The following ITGA4 variants were observed in gnomAD, a reference collection of about 807,000 sequenced individuals.
ITGA4 encodes integrin subunit alpha 4.
ITGA4 carries 63 observed loss-of-function variants against 133.6 expected under a neutral mutation model. That is an observed-to-expected ratio of 0.47 (90% CI 0.38 to 0.58). The LOEUF (loss-of-function observed/expected upper bound fraction) is 0.58. Among genes scored for constraint, ITGA4 ranks in the 20% least tolerant of loss-of-function variants. ITGA4 has a pLI of 0.00. For missense variants in ITGA4, 1,076 were observed against 1,252.7 expected (o/e 0.86, Z 2.13); for synonymous variants, 483 against 438.0 (o/e 1.10, Z -1.28).
intron 2 of ITGA4, among the ~76,000 whole-genome samples, chr2:181,463,908 T>C (rs903552380): frequency 2.0e-5 from 3 of 152,238 alleles, no homozygotes; most frequent in Admixed American, 2.0e-4. Flanking sequence ...GTGATTAGAA[T>C]AGTGCTGCTC....
At chr2:181,481,516 T>TTA in intron 6 of ITGA4, 82 bp from the exon 7 acceptor site, 1 of 581,566 alleles carries the variant, frequency 1.7e-6, no homozygotes, top group Admixed American at 2.7e-5. Flanking sequence ...TCGGTATCAT[T>TTA]TAATTTTATG....
At chr2:181,478,665 T>G (rs1685735689) in intron 4 of ITGA4, 92 bp from the exon 5 acceptor site, 1 of 553,066 alleles carries the variant, frequency 1.8e-6, no homozygotes, top group Non-Finnish European at 3.2e-6. Flanking sequence ...ACTATAGACC[T>G]TAAAGGACAT....
chr2:181,522,046 A>C, intron 17 of ITGA4, 145 bp from the exon 18 acceptor site: 1 of 450,414 alleles, frequency 2.2e-6, no homozygotes, highest in Non-Finnish European at 3.9e-6. Flanking sequence ...ATCTGCTTGC[A>C]TAGGGTCAAT....
chr2:181,535,598 T>TACAAGAAAAAATGAATTTTGTTTGG lies in ITGA4; in HGVS notation c.*74_*98dup. The TACAAGAAAAAATGAATTTTGTTTGG allele has an allele frequency of 6.6e-7, 1 of 1,504,034 alleles. No homozygotes were observed. Among genetic ancestry groups the TACAAGAAAAAATGAATTTTGTTTGG allele is most frequent in the Non-Finnish European group, 8.9e-7 (1 of 1,127,264 alleles). 93.2% of individuals were successfully genotyped at this position (1,504,034 alleles called of 1,614,324 possible). On this transcript the variant is annotated 3_prime_UTR_variant, in exon 28 of 28. Coordinates refer to ENST00000397033, the MANE Select transcript of ITGA4 (RefSeq NM_000885.6). ...GTAAAGAAATTTAAAAGACACTGTT[T>TACAAGAAAAAATGAATTTTGTTTGG]ACAAGAAAAAATGAATTTTGTTTGG... is the stretch of plus-strand genomic sequence containing the variant.
intron 15 of ITGA4, 92 bp from the exon 16 acceptor site, chr2:181,509,566 A>G (rs188402735): frequency 1.2e-4 from 102 of 859,408 alleles, no homozygotes; most frequent in Non-Finnish European, 1.7e-4. Context: ...TCTTCCATGT[A>G]TAGTGTTTGG....
intron 25 of ITGA4, 51 bp from the exon 26 acceptor site, chr2:181,534,221 A>G (rs752337638): frequency 2.8e-6 from 3 of 1,087,238 alleles, no homozygotes; most frequent in Non-Finnish European, 4.2e-6. Context: ...CTGATAAATT[A>G]TGTCTTTATG....
intron 10 of ITGA4, among the ~76,000 whole-genome samples, chr2:181,488,055 A>T (rs943962196): frequency 1.2e-4 from 19 of 152,244 alleles, no homozygotes; most frequent in African/African-American, 4.3e-4. Flanking sequence ...ACTCTTTTGA[A>T]TGTGAAAAGT....
chr2:181,482,802 T>C (rs1197606165), intron 9 of ITGA4, 151 bp downstream of exon 9: 2 of 656,028 alleles, frequency 3.0e-6, no homozygotes, highest in East Asian at 2.7e-5. Context: ...AAAAATTAAA[T>C]GGAATATGAT....
intron 4 of ITGA4, among the ~76,000 whole-genome samples, chr2:181,478,154 C>A (rs1685721252): frequency 6.6e-6 from 1 of 151,972 alleles, no homozygotes; most frequent in Non-Finnish European, 1.5e-5. Context: ...TCTCACCTAT[C>A]TGTGGAATCT....
chr2:181,463,062 G>C (rs1685325423), intron 2 of ITGA4, among the ~76,000 whole-genome samples: 1 of 152,134 alleles, frequency 6.6e-6, no homozygotes, highest in Non-Finnish European at 1.5e-5. Flanking sequence ...CTGAAGAATT[G>C]GTGTTCAAGT....
chr2:181,496,124 G>A (rs908697194), intron 14 of ITGA4, among the ~76,000 whole-genome samples, 187 bp downstream of exon 14: 4 of 152,104 alleles, frequency 2.6e-5, no homozygotes, highest in Non-Finnish European at 5.9e-5. Flanking sequence ...CAATGAGTTG[G>A]GCACATTAGA....
chr2:181,461,724 T>C (rs1164568262), intron 2 of ITGA4, among the ~76,000 whole-genome samples: 1 of 152,214 alleles, frequency 6.6e-6, no homozygotes, highest in Non-Finnish European at 1.5e-5. Flanking sequence ...CTTTCATTAC[T>C]TTGGAGTTAC....
chr2:181,537,531 T>TTAAC lies in ITGA4; in HGVS notation c.*2006_*2009dup. The TTAAC allele has an allele frequency of 2.2e-6, 1 of 448,618 alleles. No homozygotes were observed. The highest frequency in any genetic ancestry group is 4.5e-6 in the Non-Finnish European group (1 of 223,454). The allele number at this position is 448,618 out of a possible 1,614,324, so 27.8% of individuals were successfully genotyped here. The stretch of plus-strand genomic sequence containing the variant: ...CTATATAACTATGTGATTTTGAAAT[T>TTAAC]TAACTGCTCTGGATTAGGGAGCAGT... On this transcript the variant is annotated 3_prime_UTR_variant, in exon 28 of 28. Transcript: ENST00000397033.
intron 2 of ITGA4, among the ~76,000 whole-genome samples, chr2:181,470,122 C>A (rs1334986887): frequency 6.6e-6 from 1 of 151,666 alleles, no homozygotes; most frequent in East Asian, 1.9e-4. Flanking sequence ...GAACCCTTGC[C>A]CACTGTTGAT....
At chr2:181,472,653 T>G (rs1401144968) in intron 2 of ITGA4, among the ~76,000 whole-genome samples, 2 of 152,206 alleles carry the variant, frequency 1.3e-5, no homozygotes, top group Non-Finnish European at 2.9e-5. Context: ...AAACTGAAAA[T>G]TGTATTATAA....
intron 4 of ITGA4, among the ~76,000 whole-genome samples, chr2:181,476,561 A>G (rs532106891): frequency 6.3e-4 from 96 of 152,310 alleles, no homozygotes; most frequent in African/African-American, 2.3e-3. Context: ...GCCCCCTTAG[A>G]AAGTTCCAAA....
At chr2:181,508,422 G>A (rs775074640) in intron 15 of ITGA4, among the ~76,000 whole-genome samples, 60 of 152,156 alleles carry the variant, frequency 3.9e-4, no homozygotes, top group South Asian at 1.0e-3. Context: ...ACGGCTGGGC[G>A]CGGTGGTTCA....
intron 2 of ITGA4, among the ~76,000 whole-genome samples, chr2:181,464,284 C>T (rs1452075305): frequency 1.3e-5 from 2 of 152,024 alleles, no homozygotes; most frequent in African/African-American, 4.8e-5. Flanking sequence ...CATTAGTAAC[C>T]TCGGTAAGAC....
chr2:181,505,822 G>T (rs892261795), intron 15 of ITGA4, among the ~76,000 whole-genome samples: 2 of 152,126 alleles, frequency 1.3e-5, no homozygotes, highest in Non-Finnish European at 2.9e-5. Context: ...TTTGGTCAAA[G>T]TAAGCTTGTT....
Sources: allele counts gnomAD v4.1 joint callset (sites outside exome capture counted in the v4.1 genomes callset), GRCh38; gene constraint gnomAD v4.1.1; transcripts MANE v1.5; gene names NCBI Gene and HGNC (gene_info 2026-07-23, HGNC 2026-07-21).